Variants in KSR1 observed in about 807,000 individuals in gnomAD.
The protein encoded by KSR1 is kinase suppressor of ras.
In KSR1, 35 loss-of-function variants were observed where a neutral mutation model predicts 92.9. That is an observed-to-expected ratio of 0.38 (90% CI 0.29 to 0.50). The LOEUF is 0.50. KSR1 is among the 20% of genes least tolerant of loss of function. KSR1 has a pLI of 0.94. For synonymous variants in KSR1, 467 were observed against 472.6 expected (o/e 0.99, Z 0.15); for missense variants, 972 against 1,158.5 (o/e 0.84, Z 2.34).
chr17:27,500,841 C>T (rs1341564594), intron 1 of KSR1, among the ~76,000 whole-genome samples: 1 of 152,208 alleles, frequency 6.6e-6, no homozygotes, highest in Non-Finnish European at 1.5e-5. Flanking sequence ...CGGACCCTGA[C>T]TCTGCCAGGC....
chr17:27,515,466 A>G (rs1363894248), intron 1 of KSR1, among the ~76,000 whole-genome samples: 2 of 152,072 alleles, frequency 1.3e-5, no homozygotes, highest in Admixed American at 6.6e-5. Flanking sequence ...GAGAAGACAC[A>G]TTTTCTTCTA....
intron 1 of KSR1, among the ~76,000 whole-genome samples, chr17:27,543,585 C>T (rs2071047737): frequency 6.6e-6 from 1 of 152,226 alleles, no homozygotes; most frequent in African/African-American, 2.4e-5. Flanking sequence ...ACAAGCCTCA[C>T]CACCATCCAA....
Position 27,610,161 on chromosome 17 carries a change from C to T in KSR1, c.2320C>T (p.Leu774=), listed in dbSNP as rs2073875045. 1 of 1,614,034 alleles carries T rather than the reference C, an allele frequency of 6.2e-7. No homozygotes were observed. The highest frequency in any genetic ancestry group is 1.7e-5 in the Admixed American group (1 of 60,026). The part of the protein sequence containing the change: ...EMTPGKDEDQ[L]PFSKAADVYA... ...GACCCCCGGGAAGGACGAGGATCAG[C>T]TGCCATTCTCCAAAGCTGCTGATGT... Residue 774 remains leucine (L), a synonymous_variant, in exon 17 of 21, where the codon CTG becomes TTG. Transcript: ENST00000644974.
chr17:27,609,732 GCCAAGTTTGAGAT>G lies in KSR1; in HGVS notation c.2226-331_2226-319del, dbSNP rs552804606. The G allele has an allele frequency of 8.2e-5, 28 of 340,582 alleles. No homozygotes were observed. In the East Asian group the frequency reaches 1.7e-3, roughly 20 times the overall value. The allele number at this position is 340,582 out of a possible 1,614,324, so 21.1% of individuals were successfully genotyped here. A position where few individuals can be genotyped will look rare whatever the true frequency, so the allele number is the denominator to read the frequency against. On this transcript the variant is annotated intron_variant, in intron 16 of 20. Coordinates refer to ENST00000644974, the MANE Select transcript of KSR1 (RefSeq NM_001394583.1). ...CAGCAAGGCTGCAAGGCCAGCCCCA[GCCAAGTTTGAGAT>G]CCACAGGCAGATCAGGGTTCCTGGT...
At chr17:27,521,464 A>G (rs1262349248) in intron 1 of KSR1, among the ~76,000 whole-genome samples, 1 of 151,566 alleles carries the variant, frequency 6.6e-6, no homozygotes, top group Non-Finnish European at 1.5e-5. Context: ...AGCTAGGATC[A>G]CAGGGTCTAG....
intron 1 of KSR1, among the ~76,000 whole-genome samples, chr17:27,498,945 C>A (rs1452741089): frequency 1.3e-5 from 2 of 152,096 alleles, no homozygotes; most frequent in African/African-American, 4.8e-5. Flanking sequence ...TGCAGAGGAA[C>A]CCTCAGATCT....
intron 1 of KSR1, among the ~76,000 whole-genome samples, chr17:27,477,752 A>T (rs1200219299): frequency 1.3e-5 from 2 of 150,570 alleles, no homozygotes; most frequent in African/African-American, 4.9e-5. Flanking sequence ...TCACTCTGTC[A>T]CCCAGGCTGG....
intron 1 of KSR1, among the ~76,000 whole-genome samples, chr17:27,531,562 G>C (rs2070540348): frequency 6.6e-6 from 1 of 152,154 alleles, no homozygotes; most frequent in Non-Finnish European, 1.5e-5. Context: ...GTGCTTGGGG[G>C]AGAACCCCTC....
intron 1 of KSR1, among the ~76,000 whole-genome samples, chr17:27,511,772 C>T (rs1286662838): frequency 6.6e-6 from 1 of 152,230 alleles, no homozygotes; most frequent in African/African-American, 2.4e-5. Context: ...GGGTCAGACT[C>T]CTCTGCATCC....
intron 1 of KSR1, among the ~76,000 whole-genome samples, chr17:27,457,907 C>T (rs1367392099): frequency 8.0e-6 from 1 of 125,098 alleles, no homozygotes; most frequent in Admixed American, 8.5e-5. Context: ...TCCCCCAAAC[C>T]CTCCCCCCGC....
At chr17:27,580,199 A>G (rs908923436) in intron 3 of KSR1, among the ~76,000 whole-genome samples, 2 of 152,158 alleles carry the variant, frequency 1.3e-5, no homozygotes, top group African/African-American at 4.8e-5. Context: ...AGGCTTACTC[A>G]TAGATTCATG....
chr17:27,609,459 G>A, intron 16 of KSR1, 130 bp downstream of exon 16: 1 of 1,200,624 alleles, frequency 8.3e-7, no homozygotes, highest in Non-Finnish European at 1.2e-6. Flanking sequence ...GGTCGCTTTG[G>A]TCCTGCCCTC....
At chr17:27,483,128 T>A (rs2068558170) in intron 1 of KSR1, among the ~76,000 whole-genome samples, 2 of 152,230 alleles carry the variant, frequency 1.3e-5, no homozygotes, top group African/African-American at 4.8e-5. Context: ...ATAGATTTTT[T>A]TTTTCAAGTG....
At position 27,589,984 on chromosome 17, in the gene KSR1, C is replaced by T. The variant is rs2073106226; in HGVS notation, c.1047-827C>T. 3.9e-5 allele frequency among the ~76,000 whole-genome samples: 6 copies of T among 152,300 alleles called. No individual in the cohort carries two copies. The South Asian group carries it at 6.2e-4, about 16-fold the overall frequency. ...ACTCAAATACTGCATATGTTATACA[C>T]AATCCTATACTCTGTTTTTTCAAAA... On this transcript the variant is annotated intron_variant, in intron 6 of 20. Coordinates refer to ENST00000644974, the MANE Select transcript of KSR1 (RefSeq NM_001394583.1).
chr17:27,552,872 C>T (rs945812108), intron 2 of KSR1, among the ~76,000 whole-genome samples: 8 of 152,304 alleles, frequency 5.3e-5, no homozygotes, highest in African/African-American at 9.6e-5. Context: ...GCACATCTGG[C>T]GTGTCATGAT....
chr17:27,458,935 A>G (rs557951409), intron 1 of KSR1, among the ~76,000 whole-genome samples: 12 of 152,348 alleles, frequency 7.9e-5, no homozygotes, highest in Admixed American at 7.2e-4. Flanking sequence ...TCTAGGTTAG[A>G]GAAGGAGACT....
chr17:27,504,650 G>C (rs1029819395), intron 1 of KSR1, among the ~76,000 whole-genome samples: 1 of 152,202 alleles, frequency 6.6e-6, no homozygotes, highest in African/African-American at 2.4e-5. Flanking sequence ...CTCCATGAGG[G>C]AGGAGCACTG....
At position 27,609,364 on chromosome 17, in the gene KSR1, G is replaced by A. The variant is rs1000241323; in HGVS notation, c.2225+35G>A. 2.5e-6 allele frequency: 4 copies of A among 1,611,400 alleles called. No individual in the cohort carries two copies. The Admixed American group carries it at 5.0e-5, about 20-fold the overall frequency. ...TCTTGAGTGTCTGGGTGGGTTGTGG[G>A]TGCTGGATGGGGAAGAGCAGGGCTG... On this transcript the variant is annotated intron_variant, in intron 16 of 20. Coordinates refer to ENST00000644974, the MANE Select transcript of KSR1 (RefSeq NM_001394583.1).
intron 2 of KSR1, chr17:27,557,941 G>C (rs1318678623): frequency 6.6e-6 from 1 of 152,576 alleles, no homozygotes; most frequent in Non-Finnish European, 1.5e-5. Context: ...CGGATCATGG[G>C]GTGATGTTTT....
Sources: gnomAD v4.1 joint callset for allele counts (sites outside exome capture counted in the v4.1 genomes callset) on GRCh38, gnomAD v4.1.1 for gene constraint, MANE v1.5 for transcripts, NCBI Gene and HGNC (gene_info 2026-07-23, HGNC 2026-07-21) for gene names.